ATP9A: variants seen among roughly 807,000 people sequenced by gnomAD.
ATP9A encodes the protein probable phospholipid-transporting ATPase IIA.
A neutral mutation model predicts 144.1 loss-of-function variants in ATP9A; 52 were observed. The ratio of observed to expected loss-of-function variants is 0.36; its 90% confidence interval spans 0.29 to 0.45. ATP9A has a LOEUF of 0.45. Among genes scored for constraint, ATP9A ranks in the 20% least tolerant of loss-of-function variants. The pLI, the probability that ATP9A is intolerant of heterozygous loss-of-function variation, is 1.00. For missense variants in ATP9A, 947 were observed against 1,392.7 expected (o/e 0.68, Z 5.09); for synonymous variants, 582 against 557.4 (o/e 1.04, Z -0.62).
chr20:51,654,447 C>T lies in ATP9A; in HGVS notation c.1506+2491G>A, dbSNP rs77587513. Among the ~76,000 whole-genome samples the T allele has an allele frequency of 6.9e-4, 105 of 151,388 alleles. No homozygotes were observed. In the East Asian group the frequency reaches 0.018, roughly 26 times the overall value. ...GGTCCAGAACTTTAGGAGCCCCATT[C>T]TTCCTAAAATGGGTTAAAAAAAAAA... On this transcript the variant is annotated intron_variant, in intron 14 of 27. Coordinates refer to ENST00000338821, the MANE Select transcript of ATP9A (RefSeq NM_006045.3).
At chr20:51,648,247 C>T (rs939827152) in intron 14 of ATP9A, among the ~76,000 whole-genome samples, 3 of 152,172 alleles carry the variant, frequency 2.0e-5, no homozygotes, top group Non-Finnish European at 4.4e-5. Context: ...CAACCAACCT[C>T]GTAGCCGCAG....
intron 3 of ATP9A, 59 bp from the exon 4 acceptor site, chr20:51,713,133 C>A: frequency 1.3e-6 from 2 of 1,490,904 alleles, no homozygotes; most frequent in Non-Finnish European, 1.8e-6. Flanking sequence ...TGCAGCCAAC[C>A]GTCCCCTCCT....
At chr20:51,742,115 G>A (rs1308066476) in intron 1 of ATP9A, among the ~76,000 whole-genome samples, 2 of 152,134 alleles carry the variant, frequency 1.3e-5, no homozygotes, top group Non-Finnish European at 2.9e-5. Flanking sequence ...CTTGAGTTCA[G>A]GAGTTGGAGA....
chr20:51,727,589 A>C (rs184556813), intron 2 of ATP9A, among the ~76,000 whole-genome samples: 48 of 151,972 alleles, frequency 3.2e-4, no homozygotes, highest in African/African-American at 1.1e-3. Context: ...CACCTCAAAA[A>C]ATAAAAAGTG....
intron 13 of ATP9A, among the ~76,000 whole-genome samples, chr20:51,659,063 G>T (rs2077400892): frequency 6.6e-6 from 1 of 152,050 alleles, no homozygotes; most frequent in East Asian, 1.9e-4. Context: ...CTGCCTGAGG[G>T]CCTCTGCACT....
Position 51,611,433 on chromosome 20 carries a change from C to T in ATP9A, c.2572-1268G>A, listed in dbSNP as rs1313788574. 6.6e-6 allele frequency among the ~76,000 whole-genome samples: 1 copy of T among 152,172 alleles called. No individual in the cohort carries two copies. The highest frequency in any genetic ancestry group is 1.5e-5 in the Non-Finnish European group (1 of 68,026). On this transcript the variant is annotated intron_variant, in intron 23 of 27. Transcript: ENST00000338821. The surrounding 1 kb of genome is among the most constrained non-coding windows in gnomAD (Gnocchi z 4.2). Reference sequence around the variant, plus strand: ...AGACCAGTATCAGGAGCCCCTTCCTCTAAAAGGGTCATCCTAACCACAAAG... The same window carrying T: ...AGACCAGTATCAGGAGCCCCTTCCTTTAAAAGGGTCATCCTAACCACAAAG...
At chr20:51,688,690 A>AT (rs1264005998) in intron 9 of ATP9A, among the ~76,000 whole-genome samples, 1 of 152,164 alleles carries the variant, frequency 6.6e-6, no homozygotes, top group East Asian at 1.9e-4. Flanking sequence ...GCTCAAGCCC[A>AT]TGCCCTTTCC....
At chr20:51,671,015 C>T (rs2077453396) in intron 12 of ATP9A, 100 bp downstream of exon 12, 1 of 1,290,252 alleles carries the variant, frequency 7.8e-7, no homozygotes. Context: ...CAGCAACACG[C>T]ATCTCTCATA....
At chr20:51,731,681 T>C (rs2122876848) in intron 1 of ATP9A, among the ~76,000 whole-genome samples, 1 of 151,242 alleles carries the variant, frequency 6.6e-6, no homozygotes, top group African/African-American at 2.4e-5. Context: ...ATCATGCCAC[T>C]GCACTCCAGC....
chr20:51,618,554 G>A (rs945336199), intron 21 of ATP9A, 108 bp downstream of exon 21: 41 of 1,444,616 alleles, frequency 2.8e-5, no homozygotes, highest in Non-Finnish European at 3.8e-5. Context: ...TGAACAAAGG[G>A]GCCTGGGGAA....
At chr20:51,727,392 C>T (rs922087039) in intron 2 of ATP9A, among the ~76,000 whole-genome samples, 6 of 151,776 alleles carry the variant, frequency 4.0e-5, no homozygotes, top group African/African-American at 1.5e-4. Context: ...TCGAGACCAG[C>T]CATGGCAACA....
At chr20:51,739,349 C>CTT (rs749000986) in intron 1 of ATP9A, among the ~76,000 whole-genome samples, 35 of 134,662 alleles carry the variant, frequency 2.6e-4, no homozygotes, top group East Asian at 4.4e-4. Context: ...TACACTCACT[C>CTT]TTTTTTTTTT....
chr20:51,692,513 G>A (rs1379743588), intron 7 of ATP9A, among the ~76,000 whole-genome samples: 1 of 152,072 alleles, frequency 6.6e-6, no homozygotes, highest in Non-Finnish European at 1.5e-5. Context: ...TGGGGTCCTG[G>A]AGAGCCCCTG....
At chr20:51,724,366 T>C (rs62226697) in intron 3 of ATP9A, among the ~76,000 whole-genome samples, 10,265 of 152,174 alleles carry the variant, frequency 0.067, 792 homozygotes, top group African/African-American at 0.19. Flanking sequence ...GTTTCTCAAA[T>C]GCTCTAAGCA....
At chr20:51,683,252 G>A (rs894864151) in intron 9 of ATP9A, among the ~76,000 whole-genome samples, 3 of 150,968 alleles carry the variant, frequency 2.0e-5, no homozygotes, top group Non-Finnish European at 2.9e-5. Flanking sequence ...ACACCTGGAC[G>A]TTTGTTTGTT....
Position 51,622,167 on chromosome 20 carries a change from C to A in ATP9A, c.2022G>T (p.Trp674Cys). ...TCTCCAGCTTGTCCCCTGTCAGCATCCAAACCTGAAATCATGGCGTGACAG... is the reference window on the plus strand; with the variant it reads ...TCTCCAGCTTGTCCCCTGTCAGCATACAAACCTGAAATCATGGCGTGACAG... ...ETLRNAGIKV[W>C]MLTGDKLETA... The change falls in exon 19 of 28, where the codon TGG becomes TGT. Residue 674 changes from tryptophan (W) to cysteine (C), a missense_variant. By Grantham distance (215) the Trp-to-Cys change is radical (BLOSUM62 -2). Coordinates refer to ENST00000338821, the MANE Select transcript of ATP9A (RefSeq NM_006045.3). 2 of 1,613,924 alleles carry A rather than the reference C, an allele frequency of 1.2e-6. No homozygotes were observed. The highest frequency in any genetic ancestry group is 1.7e-6 in the Non-Finnish European group (2 of 1,179,818).
chr20:51,625,004 C>CAAAAAAAA (rs71192538), intron 18 of ATP9A, among the ~76,000 whole-genome samples, 188 bp downstream of exon 18: 2 of 100,842 alleles, frequency 2.0e-5, no homozygotes, highest in Non-Finnish European at 2.0e-5. Context: ...GACCCCGTCT[C>CAAAAAAAA]AAAAAAAAAA....
intron 1 of ATP9A, among the ~76,000 whole-genome samples, chr20:51,731,131 C>T (rs1464939046): frequency 1.3e-5 from 2 of 151,346 alleles, no homozygotes; most frequent in Admixed American, 1.3e-4. Context: ...TGGTGAAACC[C>T]CGTCTCTGCT....
At chr20:51,759,292 C>G (rs898504731) in intron 1 of ATP9A, among the ~76,000 whole-genome samples, 6 of 152,218 alleles carry the variant, frequency 3.9e-5, no homozygotes, top group Non-Finnish European at 5.9e-5. Context: ...GGGTTTCACC[C>G]ACCAGCACAA....
Sources: allele counts gnomAD v4.1 joint callset (sites outside exome capture counted in the v4.1 genomes callset), GRCh38; gene constraint gnomAD v4.1.1; non-coding constraint Gnocchi (gnomAD v3.1); transcripts MANE v1.5; gene names NCBI Gene and HGNC (gene_info 2026-07-23, HGNC 2026-07-21).